The following NOTCH2 variants were observed in gnomAD, a reference collection of about 807,000 sequenced individuals.
NOTCH2 encodes notch receptor 2.
A neutral mutation model predicts 235.8 loss-of-function variants in NOTCH2; 29 were observed. The observed-to-expected ratio is 0.12, with a 90% CI of 0.09 to 0.17. NOTCH2 has a LOEUF of 0.17. NOTCH2 is among the 10% of genes least tolerant of loss of function. The pLI is 1.00. For synonymous variants in NOTCH2, 1,086 were observed against 1,141.5 expected, an observed-to-expected ratio of 0.95 and a Z score of 0.98; for missense variants, 2,285 against 3,150.2, an observed-to-expected ratio of 0.73 and a Z score of 6.57.
intron 4 of NOTCH2, among the ~76,000 whole-genome samples, chr1:119,988,626 T>C (rs1398838903): frequency 6.6e-6 from 1 of 151,976 alleles, no homozygotes; most frequent in Non-Finnish European, 1.5e-5. Context: ...AGAACTAGGG[T>C]CTTTGCCCCT....
rs2101105978 is a variant in NOTCH2 at position 119,941,754 on chromosome 1, T to A, written c.2753A>T (p.Asn918Ile). The change falls in exon 18 of 34, where the codon AAT becomes ATT. Residue 918 changes from asparagine (N) to isoleucine (I), a missense_variant and splice_region_variant. This residue lies in a region of NOTCH2 where 1,173 missense variants were observed against 1,515.3 expected (regional missense o/e 0.77). Coordinates refer to ENST00000256646, the MANE Select transcript of NOTCH2 (RefSeq NM_024408.4). ...ACAGGAACCTCCATTCTGGCAAGGA[T>A]CTAAGCCATTACAAAAGAATTAGAC... ...CEEDIDDCLA[N>I]PCQNGGSCMD... The A allele has an allele frequency of 3.7e-6, 6 of 1,609,590 alleles. No homozygotes were observed. Among genetic ancestry groups the A allele is most frequent in the Non-Finnish European group, 5.1e-6 (6 of 1,175,988 alleles).
At chr1:120,039,042 T>C (rs1308965091) in intron 1 of NOTCH2, among the ~76,000 whole-genome samples, 1 of 145,608 alleles carries the variant, frequency 6.9e-6, no homozygotes, top group Non-Finnish European at 1.5e-5. Flanking sequence ...TGTATAGTAT[T>C]ATCTTCCCCA....
intron 2 of NOTCH2, among the ~76,000 whole-genome samples, chr1:120,009,408 C>T: frequency 6.6e-6 from 1 of 151,164 alleles, no homozygotes; most frequent in Non-Finnish European, 1.5e-5. Flanking sequence ...GAGGGCTGGA[C>T]ATCAGCTTAG....
chr1:120,011,756 C>T (rs1653200665), intron 2 of NOTCH2, among the ~76,000 whole-genome samples: 1 of 152,072 alleles, frequency 6.6e-6, no homozygotes, highest in Non-Finnish European at 1.5e-5. Flanking sequence ...GTGGCTCACA[C>T]CTGTAATCTC....
intron 2 of NOTCH2, among the ~76,000 whole-genome samples, chr1:120,006,168 T>C (rs1228579137): frequency 6.6e-6 from 1 of 151,980 alleles, no homozygotes; most frequent in Middle Eastern, 3.2e-3. Flanking sequence ...TTCTGGGTTA[T>C]GTTCAGGTGG....
intron 5 of NOTCH2, among the ~76,000 whole-genome samples, chr1:119,973,903 G>T (rs782666584): frequency 2.0e-5 from 3 of 152,126 alleles, no homozygotes; most frequent in Non-Finnish European, 4.4e-5. Flanking sequence ...GGTTTTAGAA[G>T]AAGAAAAAGT....
rs1352275098 is a variant in NOTCH2 at position 119,942,189 on chromosome 1, CCTCT to C, written c.2753-439_2753-436del. ...TTCTCTCTCCCTTTCATTTCCATCTCCTCTCTCTCTCTTTTTCTCTCTCTTTTAG... is the reference window on the plus strand; with the variant it reads ...TTCTCTCTCCCTTTCATTTCCATCTCCTCTCTCTTTTTCTCTCTCTTTTAG... On this transcript the variant is annotated intron_variant, in intron 17 of 33. Transcript: ENST00000256646. Among the ~76,000 whole-genome samples, 12 of 152,128 alleles carry C rather than the reference CCTCT, an allele frequency of 7.9e-5. No homozygotes were observed. The East Asian group carries it at 2.3e-3, about 29-fold the overall frequency.
chr1:119,978,102 G>A (rs1410004930), intron 5 of NOTCH2, among the ~76,000 whole-genome samples: 5 of 152,164 alleles, frequency 3.3e-5, no homozygotes, highest in Admixed American at 1.3e-4. Context: ...TAACTTTTAA[G>A]AGAAGGCCTG....
rs782759322 is a variant in NOTCH2 at position 119,941,586 on chromosome 1, T to C, written c.2921A>G (p.Lys974Arg). The part of the protein sequence containing the change: ...CSDYVNSYTC[K>R]CQAGFDGVHC... ...GACTCCATCAAATCCTGCCTGGCACTTGCAAGTGTAACTGTTGACGTAGTC... is the reference window on the plus strand; with the variant it reads ...GACTCCATCAAATCCTGCCTGGCACCTGCAAGTGTAACTGTTGACGTAGTC... Residue 974 changes from lysine to arginine, a missense_variant, in exon 18 of 34, where the codon AAG (lysine) becomes AGG (arginine). This residue lies in a region of NOTCH2 where 1,173 missense variants were observed against 1,515.3 expected (regional missense o/e 0.77). Coordinates refer to ENST00000256646, the MANE Select transcript of NOTCH2 (RefSeq NM_024408.4). 4 of 1,614,230 alleles carry C rather than the reference T, an allele frequency of 2.5e-6. No homozygotes were observed. Among genetic ancestry groups the C allele is most frequent in the Admixed American group, 1.7e-5 (1 of 60,028 alleles).
At chr1:119,966,241 A>G (rs1190754623) in intron 9 of NOTCH2, 135 bp downstream of exon 9, 11 of 739,074 alleles carry the variant, frequency 1.5e-5, no homozygotes, top group Non-Finnish European at 2.8e-5. Flanking sequence ...CTGTACACAC[A>G]CACTCCTATC....
At chr1:119,951,193 T>A (rs1445548662) in intron 14 of NOTCH2, among the ~76,000 whole-genome samples, 2 of 152,184 alleles carry the variant, frequency 1.3e-5, no homozygotes, top group Non-Finnish European at 2.9e-5. Context: ...CTCTTGTCAT[T>A]CAGGCTGGAG....
chr1:120,002,391 T>TACAGGAGA (rs1553205525), intron 3 of NOTCH2, among the ~76,000 whole-genome samples: 2 of 150,766 alleles, frequency 1.3e-5, no homozygotes, highest in South Asian at 2.1e-4. Flanking sequence ...ATTCATGGAA[T>TACAGGAGA]ACAGGAGATC....
Position 119,966,247 on chromosome 1 carries a change from C to T in NOTCH2, c.1567+129G>A. The T allele has an allele frequency of 4.0e-6, 3 of 755,024 alleles. No homozygotes were observed. In the South Asian group the frequency reaches 4.2e-5, roughly 11 times the overall value. The allele number at this position is 755,024 out of a possible 1,614,324, so 46.8% of individuals were successfully genotyped here. On this transcript the variant is annotated intron_variant, in intron 9 of 33. Coordinates refer to ENST00000256646, the MANE Select transcript of NOTCH2 (RefSeq NM_024408.4). ...TCTCTATTTCTGTACACACACACTC[C>T]TATCACCAAGCACTTACTCTAATGA...
chr1:120,014,008 T>C (rs1167746204), intron 2 of NOTCH2, among the ~76,000 whole-genome samples: 1 of 148,194 alleles, frequency 6.7e-6, no homozygotes, highest in Non-Finnish European at 1.5e-5. Flanking sequence ...CACAAAAATC[T>C]AACAGATGCC....
At chr1:119,943,793 A>C (rs1650153999) in intron 17 of NOTCH2, among the ~76,000 whole-genome samples, 1 of 152,180 alleles carries the variant, frequency 6.6e-6, no homozygotes, top group African/African-American at 2.4e-5. Flanking sequence ...AAATATGGTC[A>C]ATTATTATCA....
intron 11 of NOTCH2, among the ~76,000 whole-genome samples, chr1:119,961,112 ACAACAGGGCTGACCTG>A (rs1224593696): frequency 7.9e-5 from 12 of 151,544 alleles, no homozygotes; most frequent in African/African-American, 2.9e-4. Context: ...CATTTTACAG[ACAACAGGGCTGACCTG>A]CACAGTGCCA....
intron 12 of NOTCH2, among the ~76,000 whole-genome samples, chr1:119,958,245 T>C (rs781858805): frequency 1.1e-4 from 17 of 152,178 alleles, no homozygotes; most frequent in Non-Finnish European, 1.8e-4. Flanking sequence ...GGGCATTGGG[T>C]ATGACAGTTT....
Position 119,966,292 on chromosome 1 carries a change from C to T in NOTCH2, c.1567+84G>A, listed in dbSNP as rs587691765. ...TAATGATTTCCTCATGCACAGCCCA[C>T]ACACATTCTCTCCCTGCTCTCTTCC... On this transcript the variant is annotated intron_variant, in intron 9 of 33. Transcript: ENST00000256646. 6.5e-4 allele frequency: 584 copies of T among 895,772 alleles called. 3 individuals are homozygous for T. Among genetic ancestry groups the T allele is most frequent in the South Asian group, 1.3e-3 (99 of 76,812 alleles). The allele number at this position is 895,772 out of a possible 1,614,324, so 55.5% of individuals were successfully genotyped here. A position where few individuals can be genotyped will look rare whatever the true frequency, so the allele number is the denominator to read the frequency against.
chr1:119,932,785 C>T (rs1553195331), intron 22 of NOTCH2, among the ~76,000 whole-genome samples: 1 of 152,046 alleles, frequency 6.6e-6, no homozygotes, highest in Non-Finnish European at 1.5e-5. Flanking sequence ...AATATCTTTG[C>T]ATTTGGCTTC....
Sources: allele counts gnomAD v4.1 joint callset (sites outside exome capture counted in the v4.1 genomes callset), GRCh38; gene constraint gnomAD v4.1.1; regional missense constraint gnomAD v4.1.1; transcripts MANE v1.5; gene names NCBI Gene and HGNC (gene_info 2026-07-23, HGNC 2026-07-21).